C10orf71: variants seen among roughly 807,000 people sequenced by gnomAD.
C10orf71 encodes cardiac-enriched FHL2-interacting protein.
For synonymous variants in C10orf71, 758 were observed against 726.3 expected (o/e 1.04, Z -0.70); for missense variants, 1,869 against 1,804.5 (o/e 1.04, Z -0.65).
chr10:49,307,599 C>T (rs562873886), intron 1 of C10orf71, among the ~76,000 whole-genome samples: 4 of 152,256 alleles, frequency 2.6e-5, no homozygotes, highest in South Asian at 2.1e-4. Flanking sequence ...GATGCAGAGG[C>T]GCACCAGAGC....
chr10:49,322,440 CAA>C lies in C10orf71; in HGVS notation c.-105_-104del. 7.3e-7 allele frequency: 1 copy of C among 1,363,916 alleles called. No homozygotes were observed. 84.5% of individuals were successfully genotyped at this position (1,363,916 alleles called of 1,614,324 possible). A position where few individuals can be genotyped will look rare whatever the true frequency, so the allele number is the denominator to read the frequency against. ...TCCCCACTTTGCAATTGCATCTGGTCAATGAGAGGCTCTAGTTTTGGGGAAGA... is the reference window on the plus strand; with the variant it reads ...TCCCCACTTTGCAATTGCATCTGGTCTGAGAGGCTCTAGTTTTGGGGAAGA... On this transcript the variant is annotated 5_prime_UTR_variant, in exon 3 of 3. An upstream start codon of the reference 5' UTR is lost. Coordinates refer to ENST00000374144, the MANE Select transcript of C10orf71 (RefSeq NM_001135196.2).
intron 1 of C10orf71, among the ~76,000 whole-genome samples, chr10:49,302,179 C>T (rs919241509): frequency 6.6e-6 from 1 of 152,190 alleles, no homozygotes; most frequent in South Asian, 2.1e-4. Context: ...CCCTACTCCC[C>T]ACTGTGTCAG....
upstream of C10orf71, among the ~76,000 whole-genome samples, chr10:49,298,390 T>G (rs1848671222): frequency 6.6e-6 from 1 of 152,096 alleles, no homozygotes; most frequent in Non-Finnish European, 1.5e-5. Flanking sequence ...AAGCAGACTA[T>G]CCTAGGGCCA....
chr10:49,299,190 A>T lies in C10orf71; in HGVS notation c.-291A>T, dbSNP rs758400174. 7 of 152,172 alleles carry T rather than the reference A, an allele frequency of 4.6e-5. No individual in the cohort carries two copies. Among genetic ancestry groups the T allele is most frequent in the Non-Finnish European group, 7.3e-5 (5 of 68,062 alleles). 9.4% of individuals were successfully genotyped at this position (152,172 alleles called of 1,614,324 possible). On this transcript the variant is annotated 5_prime_UTR_variant, in exon 1 of 3. Coordinates refer to ENST00000374144, the MANE Select transcript of C10orf71 (RefSeq NM_001135196.2). ...AGTGCGGACTGTTTGCCTCTTCCCC[A>T]CCAAGAACACCATTTGGTTTCCCCC...
At chr10:49,303,075 T>G (rs887893828) in intron 1 of C10orf71, among the ~76,000 whole-genome samples, 7 of 152,196 alleles carry the variant, frequency 4.6e-5, no homozygotes, top group Non-Finnish European at 7.3e-5. Context: ...TTTAGAGATT[T>G]TTTTCTTCCC....
intron 1 of C10orf71, among the ~76,000 whole-genome samples, chr10:49,315,094 G>A (rs916015830): frequency 6.6e-6 from 1 of 152,162 alleles, no homozygotes; most frequent in African/African-American, 2.4e-5. Context: ...GAACACGAAG[G>A]AGGCCCATCT....
intron 2 of C10orf71, among the ~76,000 whole-genome samples, chr10:49,320,691 A>G (rs1414154965): frequency 1.3e-5 from 2 of 152,228 alleles, no homozygotes; most frequent in Non-Finnish European, 2.9e-5. Flanking sequence ...CTGATTCTGC[A>G]GAAGATCAGA....
chr10:49,311,984 T>C (rs1323223031), intron 1 of C10orf71, among the ~76,000 whole-genome samples: 3 of 152,230 alleles, frequency 2.0e-5, no homozygotes, highest in Non-Finnish European at 4.4e-5. Context: ...AAAAGCATCA[T>C]GTGAGAAAAC....
Position 49,317,278 on chromosome 10 carries a change from G to A in C10orf71, c.-145+1031G>A, listed in dbSNP as rs574208970. ...TAAATTCAAGTGGGATGGTGCTGCC[G>A]TGGGCTCATGGCTTAGCAGTGCTGG... On this transcript the variant is annotated intron_variant, in intron 2 of 2. Transcript: ENST00000374144. 1.1e-4 allele frequency among the ~76,000 whole-genome samples: 17 copies of A among 152,278 alleles called. No homozygotes were observed. The South Asian group carries it at 3.3e-3, about 30-fold the overall frequency.
intron 1 of C10orf71, among the ~76,000 whole-genome samples, chr10:49,301,082 T>C (rs184567522): frequency 2.3e-4 from 35 of 152,266 alleles, no homozygotes; most frequent in African/African-American, 8.4e-4. Context: ...ATAGCCCTAT[T>C]CCTCCAGTCT....
upstream of C10orf71, among the ~76,000 whole-genome samples, chr10:49,297,653 AC>A (rs1848659601): frequency 6.6e-6 from 1 of 152,182 alleles, no homozygotes; most frequent in Admixed American, 6.5e-5. Flanking sequence ...CATTCTCTCC[AC>A]TTTAGAGATG....
rs183584339 is a variant in C10orf71, at chr10:49,322,390, T to A, written c.-144-12T>A. On this transcript the variant is annotated splice_polypyrimidine_tract_variant and intron_variant, in intron 2 of 2. Coordinates refer to ENST00000374144, the MANE Select transcript of C10orf71 (RefSeq NM_001135196.2). ...ATACTTTGTTCACGCCCTGCACCTT[T>A]TTCTTTTGCAGAGAAAAAAAAAAAT... is the stretch of plus-strand genomic sequence containing the variant. 2 of 852,968 alleles carry A rather than the reference T, an allele frequency of 2.3e-6. No individual in the cohort carries two copies. Among genetic ancestry groups the A allele is most frequent in the Non-Finnish European group, 3.5e-6 (2 of 571,934 alleles). The allele number at this position is 852,968 out of a possible 1,614,324, so 52.8% of individuals were successfully genotyped here.
intron 1 of C10orf71, among the ~76,000 whole-genome samples, chr10:49,306,071 G>A (rs1028233461): frequency 2.0e-5 from 3 of 152,324 alleles, no homozygotes; most frequent in Admixed American, 6.5e-5. Context: ...GTGGAGACAC[G>A]GAGAGGAGGA....
In C10orf71 at chr10:49,302,217, G is replaced by A. The variant is rs1848740886; in HGVS notation, c.-248+2984G>A. Reference sequence around the variant, plus strand: ...GGTTGGTTCCAGATCTGGCACCACTGAGCCTGCCTGTGAGGGCCAGTTCAT... The same window carrying A: ...GGTTGGTTCCAGATCTGGCACCACTAAGCCTGCCTGTGAGGGCCAGTTCAT... On this transcript the variant is annotated intron_variant, in intron 1 of 2. Transcript: ENST00000374144. Among the ~76,000 whole-genome samples, 5 of 152,208 alleles carry A rather than the reference G, an allele frequency of 3.3e-5. No homozygotes were observed. In the South Asian group the frequency reaches 8.3e-4, roughly 25 times the overall value.
chr10:49,304,169 A>C (rs1848774386), intron 1 of C10orf71, among the ~76,000 whole-genome samples: 1 of 152,222 alleles, frequency 6.6e-6, no homozygotes, highest in Non-Finnish European at 1.5e-5. Flanking sequence ...GAGAGAGATA[A>C]CTGAGAATTT....
In C10orf71 at chr10:49,323,503, C is replaced by T. The variant is rs376896508; in HGVS notation, c.958C>T (p.Arg320Cys). The T allele has an allele frequency of 4.5e-5, 73 of 1,612,900 alleles. No homozygotes were observed. The highest frequency in any genetic ancestry group is 2.3e-4 in the South Asian group (21 of 91,040). ...GCTAAGAGAACCCTGTCCTCCTGAGCGCACAGTCTCTCCCTGCCAGGTCCA... is the reference window on the plus strand; with the variant it reads ...GCTAAGAGAACCCTGTCCTCCTGAGTGCACAGTCTCTCCCTGCCAGGTCCA... ...TLLREPCPPERTVSPCQVQAS... is the reference protein window; with the variant it reads ...TLLREPCPPECTVSPCQVQAS... The change falls in exon 3 of 3, where the codon CGC becomes TGC. Residue 320 changes from arginine (R) to cysteine (C), a missense_variant. Physicochemically the swap from Arg to Cys is radical, Grantham distance 180 (BLOSUM62 -3). Transcript: ENST00000374144.
chr10:49,314,354 C>T (rs1848964629), intron 1 of C10orf71, among the ~76,000 whole-genome samples: 1 of 152,204 alleles, frequency 6.6e-6, no homozygotes, highest in African/African-American at 2.4e-5. Flanking sequence ...TTGTTTAAAA[C>T]ATGGCCCTGC....
At chr10:49,307,748 C>T (rs1848839851) in intron 1 of C10orf71, among the ~76,000 whole-genome samples, 1 of 152,218 alleles carries the variant, frequency 6.6e-6, no homozygotes, top group Admixed American at 6.5e-5. Context: ...CATCGCTTGG[C>T]CTGCCCTGGT....
chr10:49,325,262 G>C lies in C10orf71; in HGVS notation c.2717G>C (p.Cys906Ser). Residue 906 changes from cysteine (C) to serine (S), a missense_variant, in exon 3 of 3, where the codon TGT becomes TCT. Physicochemically the swap from Cys to Ser is moderately radical, Grantham distance 112 (BLOSUM62 -1). Transcript: ENST00000374144. The stretch of plus-strand genomic sequence containing the variant: ...GAATGGGGTGAGGATCCTGGGTTTT[G>C]TGCCCCCGAAAACCAGGACATTCTT... ...RPEWGEDPGF[C>S]APENQDILGT... The C allele has an allele frequency of 6.4e-7, 1 of 1,551,794 alleles. No homozygotes were observed. Among genetic ancestry groups the C allele is most frequent in the South Asian group, 1.2e-5 (1 of 84,056 alleles).
Sources: gnomAD v4.1 joint callset for allele counts (sites outside exome capture counted in the v4.1 genomes callset) on GRCh38, gnomAD v4.1.1 for gene constraint, MANE v1.5 for transcripts, NCBI Gene and HGNC (gene_info 2026-07-23, HGNC 2026-07-21) for gene names.